Variants in POLA1 observed in about 807,000 individuals in gnomAD.
POLA1 encodes the protein DNA polymerase alpha catalytic subunit.
POLA1 carries 15 observed loss-of-function variants against 124.0 expected under a neutral mutation model. The ratio of observed to expected loss-of-function variants is 0.12; its 90% CI spans 0.08 to 0.19. The LOEUF (loss-of-function observed/expected upper bound fraction) is 0.19. Ranked by LOEUF, POLA1 falls within the 10% of genes least tolerant of loss-of-function variation. The pLI, the probability that POLA1 is intolerant of heterozygous loss-of-function variation, is 1.00. For missense variants in POLA1, 886 were observed against 1,103.4 expected (o/e 0.80, Z 2.79); for synonymous variants, 408 against 389.4 (o/e 1.05, Z -0.56).
intron 10 of POLA1, 120 bp downstream of exon 10, chrX:24,717,878 T>G: frequency 4.1e-6 from 2 of 489,428 alleles, no homozygotes; most frequent in Admixed American, 4.9e-5. Context: ...TTATTTCTGT[T>G]TTTTTTTTCT....
chrX:24,868,073 G>A (rs1188162263), intron 34 of POLA1, among the ~76,000 whole-genome samples: 1 of 111,646 alleles, frequency 9.0e-6, no homozygotes, highest in Non-Finnish European at 1.9e-5. Flanking sequence ...TGTGCTGTAC[G>A]AAAGCTGCCC....
At chrX:24,993,130 T>G (rs11573524) in intron 36 of POLA1, among the ~76,000 whole-genome samples, 7,434 of 112,381 alleles carry the variant, frequency 0.066, 506 homozygotes, top group African/African-American at 0.21. Context: ...AATGTTATTC[T>G]CAAGAAAAGT....
intron 34 of POLA1, among the ~76,000 whole-genome samples, chrX:24,873,877 CTATTT>C (rs776962525): frequency 8.9e-6 from 1 of 111,796 alleles, no homozygotes; most frequent in Non-Finnish European, 1.9e-5. Context: ...TACCACTAAA[CTATTT>C]TATAGTCTCC....
At chrX:24,818,119 T>C (rs1458046378) in intron 30 of POLA1, among the ~76,000 whole-genome samples, 1 of 110,376 alleles carries the variant, frequency 9.1e-6, no homozygotes. Context: ...AGCTTAAATA[T>C]ATTTCACAAA....
intron 35 of POLA1, among the ~76,000 whole-genome samples, chrX:24,902,829 A>G (rs1203898108): frequency 8.9e-6 from 1 of 112,526 alleles, no homozygotes; most frequent in East Asian, 2.8e-4. Flanking sequence ...GGATATAGGA[A>G]CCTAAACAAA....
intron 26 of POLA1, among the ~76,000 whole-genome samples, chrX:24,752,380 A>G (rs1332554513): frequency 8.9e-6 from 1 of 112,285 alleles, no homozygotes; most frequent in Non-Finnish European, 1.9e-5. Context: ...GGGATCTCAC[A>G]GTGTGTACGT....
At chrX:24,812,961 C>T (rs1476543997) in intron 29 of POLA1, 98 bp downstream of exon 29, 1 of 427,155 alleles carries the variant, frequency 2.3e-6, no homozygotes, top group African/African-American at 2.5e-5. Flanking sequence ...AGCCCAAGAA[C>T]ACTTCTTTGT....
chrX:24,698,400 A>G (rs1340580952), intron 1 of POLA1, among the ~76,000 whole-genome samples: 1 of 112,138 alleles, frequency 8.9e-6, no homozygotes, highest in Admixed American at 9.5e-5. Flanking sequence ...GTCCTGTGTC[A>G]TAACCAACTG....
At position 24,937,658 on chromosome X, in the gene POLA1, G is replaced by A. The variant is rs181551469; in HGVS notation, c.4261+7109G>A. Among the ~76,000 whole-genome samples the A allele has an allele frequency of 2.6e-3, 285 of 111,371 alleles. 1 individual carries two copies. The highest frequency in any genetic ancestry group is 8.8e-3 in the African/African-American group (271 of 30,623). ...GTGTGATCAGTAACCCAGCAGCATA[G>A]GCATCACGTGGAAGCTTGTTAGAAA... On this transcript the variant is annotated intron_variant, in intron 36 of 36. Coordinates refer to ENST00000379068, the MANE Select transcript of POLA1 (RefSeq NM_001330360.2).
At chrX:24,964,991 A>G (rs755839196) in intron 36 of POLA1, among the ~76,000 whole-genome samples, 14 of 112,041 alleles carry the variant, frequency 1.2e-4, no homozygotes, top group South Asian at 3.7e-4. Context: ...TAAAAAATCA[A>G]TAAGGACATC....
intron 36 of POLA1, among the ~76,000 whole-genome samples, chrX:24,979,505 T>C (rs1392762763): frequency 1.8e-5 from 2 of 112,334 alleles, no homozygotes; most frequent in South Asian, 3.7e-4. Flanking sequence ...AAATTATGAC[T>C]GTTCTATATG....
chrX:24,698,685 C>T (rs748888416), intron 1 of POLA1, among the ~76,000 whole-genome samples: 2 of 111,004 alleles, frequency 1.8e-5, no homozygotes, highest in Non-Finnish European at 3.8e-5. Flanking sequence ...TGGAGTTTCT[C>T]TCTTTTTGCC....
At chrX:24,912,200 A>G (rs1452765777) in intron 35 of POLA1, among the ~76,000 whole-genome samples, 1 of 112,635 alleles carries the variant, frequency 8.9e-6, no homozygotes, top group Non-Finnish European at 1.9e-5. Flanking sequence ...CCTAAAGCTC[A>G]TACCTTATAC....
chrX:24,889,102 T>C (rs368123575), intron 35 of POLA1, among the ~76,000 whole-genome samples: 94 of 110,804 alleles, frequency 8.5e-4, no homozygotes, highest in African/African-American at 3.0e-3. Context: ...AGTCCTGGCC[T>C]CAGGTGATCT....
intron 35 of POLA1, among the ~76,000 whole-genome samples, chrX:24,915,284 C>G (rs2047514188): frequency 8.9e-6 from 1 of 111,841 alleles, no homozygotes; most frequent in Non-Finnish European, 1.9e-5. Flanking sequence ...TTAGGCTTAG[C>G]AAATTCACAT....
chrX:24,869,836 C>CCTA (rs1205077152), intron 34 of POLA1, among the ~76,000 whole-genome samples: 1 of 111,258 alleles, frequency 9.0e-6, no homozygotes, highest in Non-Finnish European at 1.9e-5. Context: ...TAAAGTCATG[C>CCTA]CTACCTTCAT....
intron 34 of POLA1, among the ~76,000 whole-genome samples, chrX:24,870,617 A>C (rs1020942637): frequency 6.3e-5 from 7 of 111,834 alleles, no homozygotes; most frequent in Admixed American, 5.7e-4. Context: ...AGCCATGTCA[A>C]ATTCTTTAGT....
intron 35 of POLA1, among the ~76,000 whole-genome samples, chrX:24,910,835 G>T (rs2047439092): frequency 8.9e-6 from 1 of 111,848 alleles, no homozygotes. Context: ...CTCAACATTT[G>T]ATAGAAATGC....
At chrX:24,811,947 TAAG>T (rs1429112039) in intron 28 of POLA1, among the ~76,000 whole-genome samples, 1 of 112,673 alleles carries the variant, frequency 8.9e-6, no homozygotes, top group Non-Finnish European at 1.9e-5. Flanking sequence ...CTTGCTATGT[TAAG>T]ATGTTGTCCC....
Sources: gnomAD v4.1 joint callset for allele counts (sites outside exome capture counted in the v4.1 genomes callset) on GRCh38, gnomAD v4.1.1 for gene constraint, MANE v1.5 for transcripts, NCBI Gene and HGNC (gene_info 2026-07-23, HGNC 2026-07-21) for gene names.